Variants in LRATD1 observed in about 807,000 individuals in gnomAD.
LRATD1 encodes the protein LRAT domain containing 1, also known as protein LRATD1.
A neutral mutation model predicts 21.3 loss-of-function variants in LRATD1; 8 were observed. The observed-to-expected ratio is 0.38, with a 90% CI of 0.22 to 0.68. The LOEUF is 0.68. Ranked by LOEUF, LRATD1 falls within the 30% of genes least tolerant of loss-of-function variation. LRATD1 has a pLI of 0.54. For synonymous variants in LRATD1, 210 were observed against 186.2 expected, an observed-to-expected ratio of 1.13 and a Z score of -1.04; for missense variants, 380 against 404.0, an observed-to-expected ratio of 0.94 and a Z score of 0.51.
At chr2:14,643,236 T>G (rs1671834100), downstream of LRATD1, among the ~76,000 whole-genome samples, 2 of 152,198 alleles carry the variant, frequency 1.3e-5, no homozygotes, top group Non-Finnish European at 2.9e-5. Context: ...GTGTATAATT[T>G]TATAAGACAG....
chr2:14,637,725 A>C lies in LRATD1; in HGVS notation c.*2867A>C, dbSNP rs1261191974. On this transcript the variant is annotated 3_prime_UTR_variant, in exon 2 of 2. Transcript: ENST00000295092. ...TATCCTGAAAAAGGTGTATACTTTT[A>C]GGGCACTGTTAACAATGCGAGTGAA... The C allele has an allele frequency of 6.0e-6, 1 of 167,092 alleles. No homozygotes were observed. The highest frequency in any genetic ancestry group is 1.5e-5 in the Non-Finnish European group (1 of 68,116). 10.4% of individuals were successfully genotyped at this position (167,092 alleles called of 1,614,324 possible).
intron 4 of LRATD1, among the ~76,000 whole-genome samples, chr2:14,647,950 C>T (rs192959276): frequency 6.6e-6 from 1 of 152,230 alleles, no homozygotes; most frequent in Non-Finnish European, 1.5e-5. Flanking sequence ...ATCCTCCTAC[C>T]CTTCACTGAG....
intron 5 of LRATD1, chr2:14,649,473 C>T: frequency 2.3e-6 from 1 of 426,774 alleles, no homozygotes; most frequent in Non-Finnish European, 4.7e-6. Context: ...GAAGCAATTC[C>T]TCTGCCTAGA....
At chr2:14,641,655 T>A (rs556820761), downstream of LRATD1, among the ~76,000 whole-genome samples, 6 of 152,292 alleles carry the variant, frequency 3.9e-5, no homozygotes, top group South Asian at 1.2e-3. Context: ...AGTCAGCATA[T>A]TCCATGGTCT....
At chr2:14,641,310 A>G (rs1671801921), downstream of LRATD1, among the ~76,000 whole-genome samples, 1 of 152,068 alleles carries the variant, frequency 6.6e-6, no homozygotes, top group African/African-American at 2.4e-5. Context: ...CACAGCCCCC[A>G]TGGTCGTTGA....
intron 4 of LRATD1, chr2:14,646,563 C>A (rs945942372): frequency 3.3e-5 from 5 of 152,140 alleles, no homozygotes; most frequent in Non-Finnish European, 7.4e-5. Flanking sequence ...TGAACAAGAA[C>A]AAACGTCAAT....
At chr2:14,641,911 G>C (rs186528111), downstream of LRATD1, 1 of 152,320 alleles carries the variant, frequency 6.6e-6, no homozygotes, top group African/African-American at 2.4e-5. Flanking sequence ...ATTGTAGTTT[G>C]TTAGCACCCC....
chr2:14,639,011 TGTAA>T lies in LRATD1; in HGVS notation c.*4157_*4160del, dbSNP rs1344719330. 6 of 166,874 alleles carry T rather than the reference TGTAA, an allele frequency of 3.6e-5. No individual in the cohort carries two copies. The highest frequency in any genetic ancestry group is 2.6e-4 in the Admixed American group (4 of 15,272). The allele number at this position is 166,874 out of a possible 1,614,324, so 10.3% of individuals were successfully genotyped here. A position where few individuals can be genotyped will look rare whatever the true frequency, so the allele number is the denominator to read the frequency against. On this transcript the variant is annotated 3_prime_UTR_variant, in exon 2 of 2. Coordinates refer to ENST00000295092, the MANE Select transcript of LRATD1 (RefSeq NM_145175.4). ...ACACACATATGTACATTTACACATA[TGTAA>T]GTATACACTCATATACATATATACA...
rs1671628591 is a variant in LRATD1 at position 14,634,321 on chromosome 2, C to T, written c.342C>T (p.Thr114=). The T allele has an allele frequency of 5.6e-6, 9 of 1,594,690 alleles. No homozygotes were observed. The highest frequency in any genetic ancestry group is 7.7e-6 in the Non-Finnish European group (9 of 1,174,734). ...CCGACCTAAGCGTCTACGCGGTCAC[C>T]GCGCTGCCAGCGCTCTGCGAACCCG... is the stretch of plus-strand genomic sequence containing the variant. The part of the protein sequence containing the change: ...QGADLSVYAV[T]ALPALCEPGD... Residue 114 remains threonine (T), a synonymous_variant, in exon 2 of 2, where the codon ACC becomes ACT. Coordinates refer to ENST00000295092, the MANE Select transcript of LRATD1 (RefSeq NM_145175.4).
rs1671709123 is a variant in LRATD1, at chr2:14,637,284, G to T, written c.*2426G>T. On this transcript the variant is annotated 3_prime_UTR_variant, in exon 2 of 2. Coordinates refer to ENST00000295092, the MANE Select transcript of LRATD1 (RefSeq NM_145175.4). ...CCCCTTCAAAGTCACTCAAAGAGTG[G>T]GACTTCATCAAAAGAAATGAATTAG... The T allele has an allele frequency of 6.0e-6, 1 of 166,776 alleles. No homozygotes were observed. Among genetic ancestry groups the T allele is most frequent in the South Asian group, 2.1e-4 (1 of 4,810 alleles). 10.3% of individuals were successfully genotyped at this position (166,776 alleles called of 1,614,324 possible). A position where few individuals can be genotyped will look rare whatever the true frequency, so the allele number is the denominator to read the frequency against.
chr2:14,635,182 C>T lies in LRATD1; in HGVS notation c.*324C>T. The T allele has an allele frequency of 1.6e-6, 1 of 635,154 alleles. No individual in the cohort carries two copies. Among genetic ancestry groups the T allele is most frequent in the South Asian group, 1.5e-5 (1 of 66,014 alleles). The allele number at this position is 635,154 out of a possible 1,614,324, so 39.3% of individuals were successfully genotyped here. ...GGGAAGGGGCTGAGGGGAGAAAGGA[C>T]ATGGCCTTCCCCGCGAGTCCATGGC... is the stretch of plus-strand genomic sequence containing the variant. On this transcript the variant is annotated 3_prime_UTR_variant, in exon 2 of 2. Transcript: ENST00000295092.
chr2:14,633,867 C>T lies in LRATD1; in HGVS notation c.-36-77C>T. 1 of 1,385,920 alleles carries T rather than the reference C, an allele frequency of 7.2e-7. No individual in the cohort carries two copies. Among genetic ancestry groups the T allele is most frequent in the Non-Finnish European group, 9.8e-7 (1 of 1,023,592 alleles). The allele number at this position is 1,385,920 out of a possible 1,614,324, so 85.9% of individuals were successfully genotyped here. A position where few individuals can be genotyped will look rare whatever the true frequency, so the allele number is the denominator to read the frequency against. ...AGCTAGCCGGCAGGTCCCAGGGGCA[C>T]TGCACGTCTTGGGGAGGGACACCGA... On this transcript the variant is annotated intron_variant, in intron 1 of 1. Transcript: ENST00000295092. The surrounding 1 kb of genome is among the most constrained non-coding windows in gnomAD (Gnocchi z 7.5).
In LRATD1 at chr2:14,636,737, T is replaced by C. The variant is rs535838092; in HGVS notation, c.*1879T>C. 3.0e-5 allele frequency: 5 copies of C among 167,274 alleles called. No individual in the cohort carries two copies. Among genetic ancestry groups the C allele is most frequent in the African/African-American group, 9.6e-5 (4 of 41,598 alleles). The allele number at this position is 167,274 out of a possible 1,614,324, so 10.4% of individuals were successfully genotyped here. ...CTGTGATTTTGTTGGACAGCAAGTA[T>C]TATGGCCAAAGCCAGTTTCTTGGCA... On this transcript the variant is annotated 3_prime_UTR_variant, in exon 2 of 2. Transcript: ENST00000295092.
chr2:14,634,999 C>A lies in LRATD1; in HGVS notation c.*141C>A. The A allele has an allele frequency of 1.7e-6, 2 of 1,183,568 alleles. No homozygotes were observed. Among genetic ancestry groups the A allele is most frequent in the Middle Eastern group, 2.0e-4 (1 of 5,128 alleles). The allele number at this position is 1,183,568 out of a possible 1,614,324, so 73.3% of individuals were successfully genotyped here. Reference sequence around the variant, plus strand: ...CCGCCGCCGGTGGCCCGGGCCCGGGCTGCACCCCCGCATCCCCAAGCCAGC... The same window carrying A: ...CCGCCGCCGGTGGCCCGGGCCCGGGATGCACCCCCGCATCCCCAAGCCAGC... On this transcript the variant is annotated 3_prime_UTR_variant, in exon 2 of 2. Transcript: ENST00000295092.
At position 14,634,677 on chromosome 2, in the gene LRATD1, C is replaced by G. The variant is rs151113082; in HGVS notation, c.698C>G (p.Pro233Arg). The change falls in exon 2 of 2, where the codon CCG (proline) becomes CGG (arginine). Residue 233 changes from proline to arginine, a missense_variant. By Grantham distance (103) the Pro-to-Arg change is moderately radical (BLOSUM62 -2). Transcript: ENST00000295092. Reference sequence around the variant, plus strand: ...GAGTTCAAGGCGGGAGGGGAGGTGCCGGCAGGCACGCAGCCCCCGCAGCAG... The same window carrying G: ...GAGTTCAAGGCGGGAGGGGAGGTGCGGGCAGGCACGCAGCCCCCGCAGCAG... Reference protein sequence around the residue: ...KREFKAGGEVPAGTQPPQQQY... With the variant: ...KREFKAGGEVRAGTQPPQQQY... 5.8e-6 allele frequency: 9 copies of G among 1,548,792 alleles called. No homozygotes were observed. Among genetic ancestry groups the G allele is most frequent in the Admixed American group, 2.0e-5 (1 of 51,062 alleles).
At chr2:14,641,172 C>T (rs941293376), downstream of LRATD1, among the ~76,000 whole-genome samples, 11 of 152,012 alleles carry the variant, frequency 7.2e-5, no homozygotes, top group Non-Finnish European at 1.0e-4. Context: ...TTGGAGCTGG[C>T]GAACTAAGGA....
At chr2:14,643,874 C>T (rs1002307147), downstream of LRATD1, among the ~76,000 whole-genome samples, 6 of 152,164 alleles carry the variant, frequency 3.9e-5, no homozygotes, top group Non-Finnish European at 7.4e-5. Context: ...TGATTGCCTT[C>T]TGAAATAAGT....
chr2:14,642,370 G>A (rs1376301169), downstream of LRATD1, among the ~76,000 whole-genome samples: 2 of 152,104 alleles, frequency 1.3e-5, no homozygotes, highest in Non-Finnish European at 2.9e-5. Flanking sequence ...TGGAAATATA[G>A]ATTTTTCTCC....
chr2:14,635,189 T>C lies in LRATD1; in HGVS notation c.*331T>C. 1.7e-6 allele frequency: 1 copy of C among 582,044 alleles called. No individual in the cohort carries two copies. Among genetic ancestry groups the C allele is most frequent in the East Asian group, 4.0e-5 (1 of 24,782 alleles). The allele number at this position is 582,044 out of a possible 1,614,324, so 36.1% of individuals were successfully genotyped here. ...GGCTGAGGGGAGAAAGGACATGGCCTTCCCCGCGAGTCCATGGCCAGTGAC... is the reference window on the plus strand; with the variant it reads ...GGCTGAGGGGAGAAAGGACATGGCCCTCCCCGCGAGTCCATGGCCAGTGAC... On this transcript the variant is annotated 3_prime_UTR_variant, in exon 2 of 2. Transcript: ENST00000295092.
Sources: allele counts gnomAD v4.1 joint callset (sites outside exome capture counted in the v4.1 genomes callset), GRCh38; gene constraint gnomAD v4.1.1; non-coding constraint Gnocchi (gnomAD v3.1); transcripts MANE v1.5; gene names NCBI Gene and HGNC (gene_info 2026-07-23, HGNC 2026-07-21).